ADK: variants seen among roughly 807,000 people sequenced by gnomAD.
ADK encodes N6,N6-dimethyladenosine kinase.
Under a neutral mutation model 44.7 loss-of-function variants are expected in ADK, and 24 were observed. The observed-to-expected ratio is 0.54, with a 90% CI of 0.39 to 0.76. ADK has a LOEUF of 0.76. ADK is among the 30% of genes least tolerant of loss of function. The pLI, the probability that ADK is intolerant of heterozygous loss-of-function variation, is 0.00. For synonymous variants in ADK, 128 were observed against 142.6 expected (o/e 0.90, Z 0.73); for missense variants, 321 against 425.1 (o/e 0.76, Z 2.15).
At chr10:74,264,724 T>C (rs949205734) in intron 3 of ADK, among the ~76,000 whole-genome samples, 1 of 152,218 alleles carries the variant, frequency 6.6e-6, no homozygotes, top group South Asian at 2.1e-4. Flanking sequence ...GTTTCCCATA[T>C]GTGCTTTGCA....
At chr10:74,624,594 T>G (rs1012839511) in intron 9 of ADK, among the ~76,000 whole-genome samples, 2 of 152,074 alleles carry the variant, frequency 1.3e-5, no homozygotes, top group African/African-American at 4.8e-5. Context: ...TGTAAGTAAT[T>G]TACATGGTTT....
At chr10:74,366,440 AT>A (rs1298834127) in intron 4 of ADK, among the ~76,000 whole-genome samples, 3 of 152,190 alleles carry the variant, frequency 2.0e-5, no homozygotes, top group Non-Finnish European at 4.4e-5. Context: ...TTTAAAAAAA[AT>A]ATTTTTTGCT....
chr10:74,361,678 A>G (rs1842340892), intron 4 of ADK, among the ~76,000 whole-genome samples: 1 of 152,222 alleles, frequency 6.6e-6, no homozygotes, highest in South Asian at 2.1e-4. Flanking sequence ...TACAATATTA[A>G]TATAACACTC....
intron 3 of ADK, among the ~76,000 whole-genome samples, chr10:74,243,050 T>A (rs1342183663): frequency 6.6e-6 from 1 of 152,224 alleles, no homozygotes; most frequent in Non-Finnish European, 1.5e-5. Flanking sequence ...AAAAAGGCTG[T>A]CATACTGGCC....
intron 10 of ADK, among the ~76,000 whole-genome samples, chr10:74,674,228 A>G (rs775511144): frequency 2.0e-5 from 3 of 152,182 alleles, no homozygotes; most frequent in Non-Finnish European, 4.4e-5. Context: ...CAACTGATGC[A>G]TCTATCTTAC....
intron 7 of ADK, among the ~76,000 whole-genome samples, chr10:74,559,270 G>C (rs757971767): frequency 6.6e-6 from 1 of 152,230 alleles, no homozygotes; most frequent in Non-Finnish European, 1.5e-5. Context: ...GGGACCAGGC[G>C]GAGCCAGCAG....
At chr10:74,686,472 G>GC (rs977703067) in intron 10 of ADK, among the ~76,000 whole-genome samples, 29 of 152,128 alleles carry the variant, frequency 1.9e-4, no homozygotes, top group Non-Finnish European at 2.2e-4. Flanking sequence ...TGGCTAGCTT[G>GC]CTCTTCCACT....
intron 7 of ADK, among the ~76,000 whole-genome samples, chr10:74,550,785 T>C (rs757768364): frequency 5.9e-5 from 9 of 152,222 alleles, no homozygotes; most frequent in Non-Finnish European, 8.8e-5. Flanking sequence ...ATTTATATCA[T>C]TTTACTTATT....
chr10:74,297,156 G>A (rs1424405535), intron 3 of ADK, among the ~76,000 whole-genome samples: 1 of 152,210 alleles, frequency 6.6e-6, no homozygotes, highest in African/African-American at 2.4e-5. Context: ...TGTGGGTGAA[G>A]TGTTTGTATT....
At chr10:74,306,231 A>C (rs969104562) in intron 3 of ADK, among the ~76,000 whole-genome samples, 1 of 152,052 alleles carries the variant, frequency 6.6e-6, no homozygotes, top group African/African-American at 2.4e-5. Flanking sequence ...TCATTTTACT[A>C]TTAAGCCCAT....
chr10:74,493,570 G>A (rs1054889546), intron 6 of ADK, among the ~76,000 whole-genome samples: 8 of 150,478 alleles, frequency 5.3e-5, no homozygotes, highest in Non-Finnish European at 8.9e-5. Flanking sequence ...TATATATATA[G>A]ATGAGGTCTC....
In ADK at chr10:74,300,279, C is replaced by T. The variant is rs1443077887; in HGVS notation, c.195-14388C>T. 1.9e-3 allele frequency among the ~76,000 whole-genome samples: 131 copies of T among 70,248 alleles called. 3 individuals carry two copies. The highest frequency in any genetic ancestry group is 0.011 in the South Asian group (21 of 1,986). The allele number at this position is 70,248 out of a possible 152,430, so 46.1% of individuals were successfully genotyped here. On this transcript the variant is annotated intron_variant, in intron 3 of 10. Transcript: ENST00000539909. ...CCTTGTTTCCTTCCTTCCTTCCTTC[C>T]TTCCTTCCTTCCTTCCTTCCTTCCT...
chr10:74,244,289 C>T (rs888777912), intron 3 of ADK, among the ~76,000 whole-genome samples: 1 of 152,062 alleles, frequency 6.6e-6, no homozygotes, highest in African/African-American at 2.4e-5. Flanking sequence ...GGTGCTATTT[C>T]GCCTGTTTTA....
chr10:74,617,600 CTGTT>C (rs1253919528), intron 9 of ADK, among the ~76,000 whole-genome samples: 1 of 151,646 alleles, frequency 6.6e-6, no homozygotes, highest in East Asian at 1.9e-4. Context: ...ATTTTGTTTT[CTGTT>C]TGTTTTTTTG....
intron 4 of ADK, among the ~76,000 whole-genome samples, chr10:74,358,156 G>C (rs1388103655): frequency 6.6e-6 from 1 of 152,078 alleles, no homozygotes; most frequent in Non-Finnish European, 1.5e-5. Context: ...AATTGCAACA[G>C]ATGCAAAATT....
chr10:74,409,443 A>G (rs1413663240), intron 6 of ADK, among the ~76,000 whole-genome samples: 2 of 152,224 alleles, frequency 1.3e-5, no homozygotes, highest in East Asian at 1.9e-4. Flanking sequence ...ATTAAACACT[A>G]TAAGTGAAAG....
At chr10:74,308,944 C>T (rs774094848) in intron 3 of ADK, among the ~76,000 whole-genome samples, 1 of 151,776 alleles carries the variant, frequency 6.6e-6, no homozygotes, top group Non-Finnish European at 1.5e-5. Context: ...AAAGCAATTG[C>T]CCTTAGGTAG....
chr10:74,196,352 C>T (rs563121148), intron 1 of ADK, among the ~76,000 whole-genome samples: 60 of 151,966 alleles, frequency 3.9e-4, no homozygotes, highest in Non-Finnish European at 7.4e-4. Context: ...CCATCCTGGC[C>T]AACATGGTAA....
intron 1 of ADK, among the ~76,000 whole-genome samples, chr10:74,182,520 C>T (rs1249645525): frequency 6.6e-6 from 1 of 152,046 alleles, no homozygotes; most frequent in Non-Finnish European, 1.5e-5. Flanking sequence ...AGGCACATGC[C>T]ACCATGCCCG....
Sources: gnomAD v4.1 joint callset for allele counts (sites outside exome capture counted in the v4.1 genomes callset) on GRCh38, gnomAD v4.1.1 for gene constraint, MANE v1.5 for transcripts, NCBI Gene and HGNC (gene_info 2026-07-23, HGNC 2026-07-21) for gene names.